Variants in SHISA9 observed in about 807,000 individuals in gnomAD.
SHISA9 encodes the protein shisa family member 9, also known as protein shisa-9.
Under a neutral mutation model 38.0 loss-of-function variants are expected in SHISA9, and 13 were observed. The ratio of observed to expected loss-of-function variants is 0.34; its 90% CI spans 0.22 to 0.54. SHISA9 has a LOEUF of 0.54. SHISA9 is among the 20% of genes least tolerant of loss of function. The probability of loss-of-function intolerance (pLI) is 0.91; values close to 1 mark genes in which losing one functional copy is unlikely to be tolerated. For synonymous variants in SHISA9, 275 were observed against 242.0 expected (o/e 1.14, Z -1.27); for missense variants, 538 against 575.8 (o/e 0.93, Z 0.67).
Position 13,203,404 on chromosome 16 carries a change from G to T in SHISA9, c.702G>T (p.Gln234His). The change falls in exon 3 of 5, where the codon CAG becomes CAT. Residue 234 changes from glutamine to histidine, a missense_variant. Gln to His is a conservative substitution (Grantham distance 24). This residue lies in a region of SHISA9 where 326 missense variants were observed against 305.9 expected (regional missense o/e 1.07). Coordinates refer to ENST00000558583, the MANE Select transcript of SHISA9 (RefSeq NM_001145204.3). ...RTPINNLHAT[Q>H]MNNAVPTSPL... ...TGTCTTCACTTCCAGATGCCACCCA[G>T]ATGAACAACGCAGTGCCCACCTCTC... 6.5e-7 allele frequency: 1 copy of T among 1,533,366 alleles called. No individual in the cohort carries two copies. Among genetic ancestry groups the T allele is most frequent in the Non-Finnish European group, 8.8e-7 (1 of 1,140,176 alleles). 95.0% of individuals were successfully genotyped at this position (1,533,366 alleles called of 1,614,324 possible).
chr16:13,355,700 G>A, the SHISA9 span, among the ~76,000 whole-genome samples: 2 of 152,140 alleles, frequency 1.3e-5, no homozygotes, highest in African/African-American at 4.8e-5. Context: ...TGAAAAGAAG[G>A]TAATGTGGAG....
At chr16:13,534,606 A>G in the SHISA9 span, among the ~76,000 whole-genome samples, 11 of 152,202 alleles carry the variant, frequency 7.2e-5, no homozygotes, top group African/African-American at 2.7e-4. Context: ...TCTTTTTACA[A>G]GAATTGTCAG....
chr16:13,280,117 CTTTTTTT>C, the SHISA9 span, among the ~76,000 whole-genome samples: 276 of 102,850 alleles, frequency 2.7e-3, 1 homozygote, highest in Non-Finnish European at 3.4e-3. Context: ...CTCTCTTTCT[CTTTTTTT>C]TTTTTTTTTT....
chr16:13,322,844 G>A, the SHISA9 span, among the ~76,000 whole-genome samples: 2 of 152,150 alleles, frequency 1.3e-5, no homozygotes, highest in Non-Finnish European at 2.9e-5. Flanking sequence ...GGCCCGTAAA[G>A]TTGTTTAACT....
intron 4 of SHISA9, among the ~76,000 whole-genome samples, chr16:13,221,009 T>C (rs553576423): frequency 6.8e-4 from 101 of 148,470 alleles, no homozygotes; most frequent in African/African-American, 2.5e-3. Flanking sequence ...TCTGGATTAA[T>C]AGTTTGCCTA....
At chr16:13,162,108 A>G (rs1443911204) in intron 2 of SHISA9, among the ~76,000 whole-genome samples, 2 of 152,202 alleles carry the variant, frequency 1.3e-5, no homozygotes, top group East Asian at 1.9e-4. Context: ...GTTAGCCCAT[A>G]TGAACCTCAG....
the SHISA9 span, among the ~76,000 whole-genome samples, chr16:13,302,474 A>G: frequency 6.6e-6 from 1 of 152,152 alleles, no homozygotes; most frequent in African/African-American, 2.4e-5. Context: ...GTTCTTTGCA[A>G]TCAGGCCCTT....
chr16:13,107,349 C>T (rs12443562), intron 2 of SHISA9, among the ~76,000 whole-genome samples: 11,446 of 151,962 alleles, frequency 0.075, 592 homozygotes, highest in South Asian at 0.16. Flanking sequence ...GCAGGAGAAT[C>T]GCTTGAACCC....
intron 2 of SHISA9, among the ~76,000 whole-genome samples, chr16:13,079,180 A>C (rs908372871): frequency 3.3e-5 from 5 of 152,216 alleles, no homozygotes; most frequent in African/African-American, 9.6e-5. Context: ...GACACAATCA[A>C]TGCCATGATA....
intron 2 of SHISA9, among the ~76,000 whole-genome samples, chr16:13,151,305 C>A (rs564074441): frequency 3.9e-5 from 6 of 152,070 alleles, no homozygotes; most frequent in Non-Finnish European, 7.4e-5. Flanking sequence ...TGGGGTTTCA[C>A]CATGTTGGCC....
At chr16:13,256,704 ACT>A in the SHISA9 span, among the ~76,000 whole-genome samples, 2 of 152,318 alleles carry the variant, frequency 1.3e-5, no homozygotes, top group South Asian at 4.2e-4. Context: ...GCAATTGATA[ACT>A]CACACTTGAA....
intron 2 of SHISA9, among the ~76,000 whole-genome samples, chr16:12,951,454 G>C (rs2071756171): frequency 6.6e-6 from 1 of 152,108 alleles, no homozygotes; most frequent in Non-Finnish European, 1.5e-5. Flanking sequence ...CAGAGGTGAA[G>C]CTGCCACACA....
At chr16:13,018,552 G>A (rs1269577212) in intron 2 of SHISA9, among the ~76,000 whole-genome samples, 1 of 152,202 alleles carries the variant, frequency 6.6e-6, no homozygotes, top group Non-Finnish European at 1.5e-5. Flanking sequence ...GGATGAAGGC[G>A]ATTTGCAGTG....
chr16:12,982,775 A>T (rs944877823), intron 2 of SHISA9, among the ~76,000 whole-genome samples: 1 of 152,224 alleles, frequency 6.6e-6, no homozygotes. Context: ...GTGGGCAGGT[A>T]TGATAATTTC....
chr16:12,908,860 T>C, intron 1 of SHISA9: 1 of 1,131,654 alleles, frequency 8.8e-7, no homozygotes, highest in African/African-American at 1.6e-5. Flanking sequence ...AGGGAACACA[T>C]GTCATTATTT....
In SHISA9 at chr16:12,902,003, C is replaced by G. The variant is rs2071022278; in HGVS notation, c.-62C>G. 3.8e-6 allele frequency: 5 copies of G among 1,328,422 alleles called. No homozygotes were observed. Among genetic ancestry groups the G allele is most frequent in the Non-Finnish European group, 2.9e-6 (3 of 1,040,072 alleles). 82.3% of individuals were successfully genotyped at this position (1,328,422 alleles called of 1,614,324 possible). A position where few individuals can be genotyped will look rare whatever the true frequency, so the allele number is the denominator to read the frequency against. On this transcript the variant is annotated 5_prime_UTR_variant, in exon 1 of 5. Coordinates refer to ENST00000558583, the MANE Select transcript of SHISA9 (RefSeq NM_001145204.3). Reference sequence around the variant, plus strand: ...AGCCTCGGCAGCTTCGGCCGCGCCTCGAGAGGCGGCCGCAGAGGCTCCAGC... The same window carrying G: ...AGCCTCGGCAGCTTCGGCCGCGCCTGGAGAGGCGGCCGCAGAGGCTCCAGC...
At chr16:13,085,824 AT>A (rs1339692850) in intron 2 of SHISA9, among the ~76,000 whole-genome samples, 3 of 152,182 alleles carry the variant, frequency 2.0e-5, no homozygotes, top group African/African-American at 7.2e-5. Flanking sequence ...AAAAATTATA[AT>A]CCAGGTAATT....
intron 2 of SHISA9, among the ~76,000 whole-genome samples, chr16:13,107,306 G>A (rs1485747746): frequency 6.6e-6 from 1 of 151,856 alleles, no homozygotes; most frequent in Non-Finnish European, 1.5e-5. Context: ...GTGGTGGTGG[G>A]CACCTGTAAT....
intron 2 of SHISA9, among the ~76,000 whole-genome samples, chr16:13,112,199 A>G (rs958250439): frequency 6.6e-6 from 1 of 152,174 alleles, no homozygotes; most frequent in East Asian, 1.9e-4. Flanking sequence ...TCAGATGCCA[A>G]ATAAAGCTTT....
Sources: allele counts gnomAD v4.1 joint callset (sites outside exome capture counted in the v4.1 genomes callset), GRCh38; gene constraint gnomAD v4.1.1; regional missense constraint gnomAD v4.1.1; transcripts MANE v1.5; gene names NCBI Gene and HGNC (gene_info 2026-07-23, HGNC 2026-07-21).